The following CORO2A variants were observed in gnomAD, a reference collection of about 807,000 sequenced individuals.
CORO2A encodes the protein coronin-2A.
Under a neutral mutation model 62.4 loss-of-function variants are expected in CORO2A, and 47 were observed. The ratio of observed to expected loss-of-function variants is 0.75; its 90% CI spans 0.60 to 0.96. The LOEUF (loss-of-function observed/expected upper bound fraction) is 0.96, where lower values mean the gene tolerates loss of function less well. CORO2A is among the 40% of genes least tolerant of loss of function. The probability of loss-of-function intolerance (pLI) is 0.00; values close to 1 mark genes in which losing one functional copy is unlikely to be tolerated. For synonymous variants in CORO2A, 273 were observed against 268.9 expected (o/e 1.02, Z -0.15); for missense variants, 610 against 684.1 (o/e 0.89, Z 1.21).
At chr9:98,171,545 C>A (rs4743179) in intron 1 of CORO2A, among the ~76,000 whole-genome samples, 3 of 152,120 alleles carry the variant, frequency 2.0e-5, no homozygotes, top group Non-Finnish European at 1.5e-5. Context: ...AATTCAGGGT[C>A]ATCAGGGCTA....
chr9:98,150,448 A>G (rs936508662), intron 2 of CORO2A, among the ~76,000 whole-genome samples: 1 of 152,092 alleles, frequency 6.6e-6, no homozygotes, highest in African/African-American at 2.4e-5. Flanking sequence ...TGCATGTTCT[A>G]TTTGTTCTGC....
At chr9:98,167,893 GCTA>G (rs991573025) in intron 1 of CORO2A, among the ~76,000 whole-genome samples, 2 of 152,236 alleles carry the variant, frequency 1.3e-5, no homozygotes, top group African/African-American at 4.8e-5. Flanking sequence ...GCTGCTGATG[GCTA>G]CTGAAAGTGG....
At chr9:98,125,707 CCA>C (rs1491134080) in intron 11 of CORO2A, among the ~76,000 whole-genome samples, 1 of 146,396 alleles carries the variant, frequency 6.8e-6, no homozygotes, top group Non-Finnish European at 1.5e-5. Context: ...TGGTTTCCCA[CCA>C]TTTTTTTTTT....
chr9:98,185,802 A>G (rs1395653570), intron 1 of CORO2A, among the ~76,000 whole-genome samples: 2 of 152,216 alleles, frequency 1.3e-5, no homozygotes, highest in Non-Finnish European at 1.5e-5. Flanking sequence ...GTGGGCCAGG[A>G]GAGACCCTGG....
At chr9:98,132,451 G>A in intron 5 of CORO2A, 150 bp from the exon 6 acceptor site, 1 of 628,874 alleles carries the variant, frequency 1.6e-6, no homozygotes, top group Non-Finnish European at 2.8e-6. Context: ...CTTCCCAGGG[G>A]CACCACCTGG....
rs755177762 is a variant in CORO2A, at chr9:98,137,637, C to T, written c.253G>A (p.Val85Ile). 2.0e-5 allele frequency: 33 copies of T among 1,614,146 alleles called. No homozygotes were observed. Among genetic ancestry groups the T allele is most frequent in the South Asian group, 4.4e-5 (4 of 91,088 alleles). ...AAAGGGTTCCACTTGACATCCAAAA[C>T]GTTGCCTCTGTGCCCGCAGACTTTT... The part of the protein sequence containing the change: ...YPKVCGHRGN[V>I]LDVKWNPFDD... Residue 85 changes from valine (V) to isoleucine (I), a missense_variant, in exon 3 of 12, where the codon GTT (valine) becomes ATT (isoleucine). Val to Ile is a conservative substitution (Grantham distance 29, BLOSUM62 3). Transcript: ENST00000375077.
chr9:98,158,419 T>C, intron 1 of CORO2A, among the ~76,000 whole-genome samples: 1 of 152,222 alleles, frequency 6.6e-6, no homozygotes, highest in Non-Finnish European at 1.5e-5. Flanking sequence ...CAGCCACTAG[T>C]ATCATCTGGG....
intron 2 of CORO2A, among the ~76,000 whole-genome samples, chr9:98,139,344 T>G (rs964129368): frequency 2.6e-5 from 4 of 151,872 alleles, no homozygotes; most frequent in Non-Finnish European, 4.4e-5. Flanking sequence ...ATCAAAAAAT[T>G]AGGCCTGGCA....
intron 1 of CORO2A, among the ~76,000 whole-genome samples, chr9:98,182,404 C>A (rs113180545): frequency 0.025 from 3,797 of 152,200 alleles, 148 homozygotes; most frequent in African/African-American, 0.086. Flanking sequence ...GGCTAGTGAC[C>A]CTGCCAGCAA....
intron 1 of CORO2A, among the ~76,000 whole-genome samples, chr9:98,171,080 C>T (rs563739538): frequency 1.3e-5 from 2 of 152,320 alleles, no homozygotes; most frequent in East Asian, 1.9e-4. Context: ...CTGGGAGTTT[C>T]GAGCGACAAG....
chr9:98,183,968 T>C (rs1298164897), intron 1 of CORO2A, among the ~76,000 whole-genome samples: 1 of 152,190 alleles, frequency 6.6e-6, no homozygotes, highest in Non-Finnish European at 1.5e-5. Flanking sequence ...CTTAAAAATA[T>C]GTATATACAG....
At chr9:98,180,585 C>A (rs986703588) in intron 1 of CORO2A, among the ~76,000 whole-genome samples, 1 of 152,114 alleles carries the variant, frequency 6.6e-6, no homozygotes, top group African/African-American at 2.4e-5. Flanking sequence ...AAATACCCTC[C>A]TTTCCTTGAC....
chr9:98,128,447 G>C (rs1230881790), intron 9 of CORO2A, among the ~76,000 whole-genome samples, 160 bp downstream of exon 9: 1 of 152,158 alleles, frequency 6.6e-6, no homozygotes, highest in African/African-American at 2.4e-5. Flanking sequence ...CGAGACCCAG[G>C]ACTCCTGACG....
Position 98,128,738 on chromosome 9 carries a change from G to C in CORO2A, c.968-19C>G. 6.2e-7 allele frequency: 1 copy of C among 1,607,704 alleles called. No individual in the cohort carries two copies. Among genetic ancestry groups the C allele is most frequent in the Non-Finnish European group, 8.5e-7 (1 of 1,174,212 alleles). Reference sequence around the variant, plus strand: ...ATGACACCTGAAGGCAGACAGGGAGGGCCAAGAGGTTCTGGCTAGGCTGGG... The same window carrying C: ...ATGACACCTGAAGGCAGACAGGGAGCGCCAAGAGGTTCTGGCTAGGCTGGG... On this transcript the variant is annotated intron_variant, in intron 8 of 11. Transcript: ENST00000375077.
chr9:98,145,113 C>G (rs1326087611), intron 2 of CORO2A, among the ~76,000 whole-genome samples: 1 of 152,110 alleles, frequency 6.6e-6, no homozygotes, highest in African/African-American at 2.4e-5. Flanking sequence ...CCAGATGAGC[C>G]TTTGGAGGGT....
At chr9:98,153,655 C>T (rs1827758986) in intron 2 of CORO2A, among the ~76,000 whole-genome samples, 1 of 133,770 alleles carries the variant, frequency 7.5e-6, no homozygotes, top group Non-Finnish European at 1.5e-5. Context: ...TCCAAACACA[C>T]ACACACACAC....
rs915985681 is a variant in CORO2A at position 98,142,523 on chromosome 9, C to T, written c.202-4835G>A. Among the ~76,000 whole-genome samples, 9 of 152,250 alleles carry T rather than the reference C, an allele frequency of 5.9e-5. No homozygotes were observed. In the East Asian group the frequency reaches 1.5e-3, roughly 26 times the overall value. ...TGGCTGTGGGGCACTGATTGCTCTC[C>T]GGGCCTTTAGACTCTGGCCCAGGGC... On this transcript the variant is annotated intron_variant, in intron 2 of 11. Transcript: ENST00000375077.
rs756492505 is a variant in CORO2A, at chr9:98,128,611, C to T, written c.1076G>A (p.Arg359Gln). 67 of 1,613,956 alleles carry T rather than the reference C, an allele frequency of 4.2e-5. No homozygotes were observed. The highest frequency in any genetic ancestry group is 5.2e-5 in the Non-Finnish European group (61 of 1,179,940). The change falls in exon 9 of 12, where the codon CGG (arginine) becomes CAG (glutamine). Residue 359 changes from arginine to glutamine, a missense_variant. Arg to Gln is a conservative substitution (Grantham distance 43). Transcript: ENST00000375077. ...LIEPISMIVP[R>Q]RSESYQEDIY... ...TGCGGTCCCGACTGCCCTTACCCGC[C>T]GGGGCACAATCATGGAGATGGGCTC...
intron 1 of CORO2A, among the ~76,000 whole-genome samples, chr9:98,183,522 C>T (rs1828202534): frequency 6.6e-6 from 1 of 152,220 alleles, no homozygotes; most frequent in Non-Finnish European, 1.5e-5. Context: ...ATCTAAATAT[C>T]ATTATAACTT....
Sources: allele counts gnomAD v4.1 joint callset (sites outside exome capture counted in the v4.1 genomes callset), GRCh38; gene constraint gnomAD v4.1.1; transcripts MANE v1.5; gene names NCBI Gene and HGNC (gene_info 2026-07-23, HGNC 2026-07-21).